Variants in APOL1 observed in about 807,000 individuals in gnomAD.
The protein encoded by APOL1 is apolipoprotein L1.
In APOL1, 17 loss-of-function variants were observed where a neutral mutation model predicts 14.9. The observed-to-expected ratio is 1.14, with a 90% CI of 0.78 to 1.71. APOL1 has a LOEUF of 1.71. APOL1 is among the 40% of genes most tolerant of loss of function. The pLI, the probability that APOL1 is intolerant of heterozygous loss-of-function variation, is 0.00. For missense variants in APOL1, 523 were observed against 485.9 expected, an observed-to-expected ratio of 1.08 and a Z score of -0.72; for synonymous variants, 195 against 184.8, an observed-to-expected ratio of 1.05 and a Z score of -0.45.
At chr22:36,263,523 ACG>A (rs1400985437) in intron 5 of APOL1, among the ~76,000 whole-genome samples, 1 of 152,250 alleles carries the variant, frequency 6.6e-6, no homozygotes. Context: ...GGTTGATCAC[ACG>A]GAAAGAACAC....
Position 36,267,237 on chromosome 22 carries a change from G to A in APOL1, c.*1204G>A, listed in dbSNP as rs186069172. 6.6e-6 allele frequency: 1 copy of A among 152,194 alleles called. No individual in the cohort carries two copies. Among genetic ancestry groups the A allele is most frequent in the Non-Finnish European group, 1.5e-5 (1 of 68,140 alleles). 9.4% of individuals were successfully genotyped at this position (152,194 alleles called of 1,614,324 possible). A position where few individuals can be genotyped will look rare whatever the true frequency, so the allele number is the denominator to read the frequency against. ...TTGTCATGTGATGGGTCCCCTCCAGGTTACTAAAGGGTGCATGTCCCCTGC... is the reference window on the plus strand; with the variant it reads ...TTGTCATGTGATGGGTCCCCTCCAGATTACTAAAGGGTGCATGTCCCCTGC... On this transcript the variant is annotated 3_prime_UTR_variant, in exon 6 of 6. Transcript: ENST00000397278.
In APOL1 at chr22:36,254,961, G is replaced by A; in HGVS notation, c.6G>A (p.Glu2=). 3 of 1,614,152 alleles carry A rather than the reference G, an allele frequency of 1.9e-6. No homozygotes were observed. The highest frequency in any genetic ancestry group is 2.2e-5 in the South Asian group (2 of 91,082). ...GGAGGAGGCCCTGCAGCGACATGGA[G>A]GGAGCTGCTTTGCTGAGAGTCTCTG... M[E]GAALLRVSVL... Residue 2 remains glutamate, a synonymous_variant, in exon 2 of 6, where the codon GAG becomes GAA. Coordinates refer to ENST00000397278, the MANE Select transcript of APOL1 (RefSeq NM_003661.4).
At chr22:36,255,830 C>A (rs1156801219) in intron 2 of APOL1, among the ~76,000 whole-genome samples, 1 of 150,726 alleles carries the variant, frequency 6.6e-6, no homozygotes, top group Non-Finnish European at 1.5e-5. Flanking sequence ...CTGGGATGGG[C>A]CTGAAATGGT....
chr22:36,258,377 C>T (rs753252037), intron 4 of APOL1, among the ~76,000 whole-genome samples: 2 of 152,292 alleles, frequency 1.3e-5, no homozygotes, highest in South Asian at 2.1e-4. Context: ...GAAAAAGTGT[C>T]GGAGACAAGG....
At chr22:36,264,305 C>A (rs906413824) in intron 5 of APOL1, among the ~76,000 whole-genome samples, 1 of 152,184 alleles carries the variant, frequency 6.6e-6, no homozygotes, top group Non-Finnish European at 1.5e-5. Context: ...ACCCCATCAT[C>A]CATCAGATTC....
chr22:36,259,474 C>T (rs1238936604), intron 4 of APOL1, among the ~76,000 whole-genome samples: 1 of 152,162 alleles, frequency 6.6e-6, no homozygotes, highest in Non-Finnish European at 1.5e-5. Context: ...CCACGGCAAC[C>T]AAGTCAGCTC....
rs2016279674 is a variant in APOL1, at chr22:36,266,734, T to C, written c.*701T>C. ...TCCTGGCTAACACAGTGAAACCCCG[T>C]CTCTACTAAAAATACAAAAAATTAG... On this transcript the variant is annotated 3_prime_UTR_variant, in exon 6 of 6. Transcript: ENST00000397278. 1 of 335,628 alleles carries C rather than the reference T, an allele frequency of 3.0e-6. No individual in the cohort carries two copies. Among genetic ancestry groups the C allele is most frequent in the Non-Finnish European group, 5.4e-6 (1 of 185,018 alleles). The allele number at this position is 335,628 out of a possible 1,614,324, so 20.8% of individuals were successfully genotyped here.
chr22:36,259,755 A>C (rs1191500131), intron 4 of APOL1: 1 of 1,304,308 alleles, frequency 7.7e-7, no homozygotes, highest in Non-Finnish European at 1.0e-6. Context: ...AGGTGCCTCA[A>C]GGATCAGTGC....
intron 1 of APOL1, among the ~76,000 whole-genome samples, chr22:36,254,732 G>A (rs529893946): frequency 3.7e-4 from 57 of 152,120 alleles, no homozygotes; most frequent in African/African-American, 8.2e-4. Flanking sequence ...GTGTCGTGGC[G>A]GGCACCTGTA....
intron 4 of APOL1, 171 bp downstream of exon 4, chr22:36,257,578 T>C (rs1198412087): frequency 5.9e-6 from 4 of 679,992 alleles, no homozygotes; most frequent in Non-Finnish European, 1.0e-5. Flanking sequence ...GGTCTGGGGG[T>C]CATCTGCATC....
Position 36,261,914 on chromosome 22 carries a change from G to A in APOL1, c.314+192G>A, listed in dbSNP as rs151102781. ...CTGGCAGTGAGTAGCCTCAGGCTGA[G>A]GGGATAGGAAGCCCACAGGAACAGG... On this transcript the variant is annotated intron_variant, in intron 5 of 5. Transcript: ENST00000397278. Among the ~76,000 whole-genome samples the A allele has an allele frequency of 1.6e-3, 244 of 152,354 alleles. 2 individuals are homozygous for A. The South Asian group carries it at 0.02, about 12-fold the overall frequency.
rs767767558 is a variant in APOL1 at position 36,266,426 on chromosome 22, A to T, written c.*393A>T. On this transcript the variant is annotated 3_prime_UTR_variant, in exon 6 of 6. Transcript: ENST00000397278. ...TTTTATTAGGGGGATAAAGAGGGTG[A>T]GGTAAAGTTTATGGAACTGAGTGTT... is the stretch of plus-strand genomic sequence containing the variant. 14 of 404,770 alleles carry T rather than the reference A, an allele frequency of 3.5e-5. No homozygotes were observed. Among genetic ancestry groups the T allele is most frequent in the Non-Finnish European group, 5.7e-5 (13 of 229,578 alleles). The allele number at this position is 404,770 out of a possible 1,614,324, so 25.1% of individuals were successfully genotyped here.
intron 4 of APOL1, chr22:36,259,971 G>A (rs2016025937): frequency 8.3e-7 from 1 of 1,201,404 alleles, no homozygotes; most frequent in African/African-American, 1.6e-5. Context: ...AACATAAGGA[G>A]TTTTAATGTT....
intron 4 of APOL1, among the ~76,000 whole-genome samples, chr22:36,259,390 C>T (rs569679473): frequency 2.0e-5 from 3 of 152,268 alleles, no homozygotes; most frequent in African/African-American, 7.2e-5. Flanking sequence ...AATCGCTCGC[C>T]CAGCCAAGTC....
Position 36,265,489 on chromosome 22 carries a change from C to G in APOL1, c.653C>G (p.Ala218Gly). 1 of 1,614,058 alleles carries G rather than the reference C, an allele frequency of 6.2e-7. No individual in the cohort carries two copies. Among genetic ancestry groups the G allele is most frequent in the Non-Finnish European group, 8.5e-7 (1 of 1,179,946 alleles). Residue 218 changes from alanine (A) to glycine (G), a missense_variant, in exon 6 of 6, where the codon GCC becomes GGC. Coordinates refer to ENST00000397278, the MANE Select transcript of APOL1 (RefSeq NM_003661.4). ...LEPGMELGIT[A>G]ALTGITSSTM... is the part of the protein sequence containing the mutation. ...CCTGGGATGGAGTTGGGAATCACAG[C>G]CGCTTTGACCGGGATTACCAGCAGT... is the stretch of plus-strand genomic sequence containing the variant.
intron 1 of APOL1, 96 bp downstream of exon 1, chr22:36,253,315 A>G: frequency 3.8e-6 from 1 of 265,114 alleles, no homozygotes; most frequent in South Asian, 3.5e-5. Flanking sequence ...TAGACAGGAA[A>G]GTAGCGGCAA....
chr22:36,257,559 C>A, intron 4 of APOL1, 152 bp downstream of exon 4: 4 of 793,880 alleles, frequency 5.0e-6, no homozygotes, highest in South Asian at 3.1e-5. Context: ...TGGAGTCCCC[C>A]GACCCAGGGG....
chr22:36,263,058 A>T (rs925816439), intron 5 of APOL1, among the ~76,000 whole-genome samples: 4 of 152,274 alleles, frequency 2.6e-5, no homozygotes. Flanking sequence ...TAAAATTGCA[A>T]ATGGCCTTGG....
rs778419778 is a variant in APOL1, at chr22:36,265,406, C to T, written c.570C>T (p.Thr190=). ...GSLSISSGIL[T]LVGMGLAPFT... ...TCAGCATTTCCTCTGGCATCCTGACCCTCGTCGGCATGGGTCTGGCACCCT... is the reference window on the plus strand; with the variant it reads ...TCAGCATTTCCTCTGGCATCCTGACTCTCGTCGGCATGGGTCTGGCACCCT... The change falls in exon 6 of 6, where the codon ACC becomes ACT. Residue 190 remains threonine (T), a synonymous_variant. Coordinates refer to ENST00000397278, the MANE Select transcript of APOL1 (RefSeq NM_003661.4). 29 of 1,613,250 alleles carry T rather than the reference C, an allele frequency of 1.8e-5. No homozygotes were observed. The highest frequency in any genetic ancestry group is 1.6e-4 in the Middle Eastern group (1 of 6,084).
Sources: allele counts gnomAD v4.1 joint callset (sites outside exome capture counted in the v4.1 genomes callset), GRCh38; gene constraint gnomAD v4.1.1; transcripts MANE v1.5; gene names NCBI Gene and HGNC (gene_info 2026-07-23, HGNC 2026-07-21).